The following WHRN variants were observed in gnomAD, a reference collection of about 807,000 sequenced individuals.
WHRN encodes CASK-interacting protein CIP98.
Under a neutral mutation model 68.3 loss-of-function variants are expected in WHRN, and 41 were observed. The observed-to-expected ratio is 0.60, with a 90% CI of 0.47 to 0.78. The LOEUF (loss-of-function observed/expected upper bound fraction) is 0.78, where lower values mean the gene tolerates loss of function less well. WHRN is among the 30% of genes least tolerant of loss of function. WHRN has a pLI of 0.00. For missense variants in WHRN, 1,243 were observed against 1,244.7 expected, an observed-to-expected ratio of 1.00 and a Z score of 0.02; for synonymous variants, 560 against 561.3, an observed-to-expected ratio of 1.00 and a Z score of 0.03.
intron 1 of WHRN, among the ~76,000 whole-genome samples, chr9:114,501,753 T>A (rs1450038127): frequency 6.6e-6 from 1 of 152,202 alleles, no homozygotes; most frequent in Non-Finnish European, 1.5e-5. Flanking sequence ...GAAATTTGAA[T>A]GAAGTCTGAA....
intron 3 of WHRN, among the ~76,000 whole-genome samples, chr9:114,428,983 T>A (rs1589119832): frequency 6.6e-6 from 1 of 151,430 alleles, no homozygotes; most frequent in Non-Finnish European, 1.5e-5. Flanking sequence ...CAGGCTAGAG[T>A]GTAGTGGCGC....
At chr9:114,408,605 T>C (rs542192454) in intron 7 of WHRN, among the ~76,000 whole-genome samples, 200 of 152,342 alleles carry the variant, frequency 1.3e-3, no homozygotes, top group African/African-American at 4.5e-3. Flanking sequence ...GGGCCGTCTA[T>C]GGGGGGCCCA....
chr9:114,503,036 T>A (rs948710862), intron 1 of WHRN: 2 of 765,546 alleles, frequency 2.6e-6, no homozygotes, highest in East Asian at 2.5e-4. Context: ...TCCAAAGGGG[T>A]TGATGGGCTG....
At chr9:114,429,763 CCTCT>C (rs925422344) in intron 3 of WHRN, among the ~76,000 whole-genome samples, 1 of 152,186 alleles carries the variant, frequency 6.6e-6, no homozygotes, top group Non-Finnish European at 1.5e-5. Context: ...TCCCTCCTCC[CCTCT>C]CTCTCCCAGC....
chr9:114,423,612 A>G (rs945808747), intron 6 of WHRN, 89 bp from the exon 7 acceptor site: 33 of 1,320,398 alleles, frequency 2.5e-5, no homozygotes, highest in Non-Finnish European at 3.1e-5. Context: ...ACTGGCATGC[A>G]AACTTGACCC....
At chr9:114,453,212 G>A (rs999701702) in intron 3 of WHRN, among the ~76,000 whole-genome samples, 2 of 152,198 alleles carry the variant, frequency 1.3e-5, no homozygotes, top group Non-Finnish European at 2.9e-5. Flanking sequence ...GGTGAAAAGG[G>A]AGCAGGTGTG....
chr9:114,456,723 G>A (rs1230734927), intron 3 of WHRN, among the ~76,000 whole-genome samples: 1 of 152,038 alleles, frequency 6.6e-6, no homozygotes, highest in African/African-American at 2.4e-5. Flanking sequence ...TCAGCTCCTT[G>A]GAGGCTGAGG....
intron 3 of WHRN, among the ~76,000 whole-genome samples, chr9:114,432,227 C>T (rs941512782): frequency 6.6e-6 from 1 of 152,076 alleles, no homozygotes; most frequent in Non-Finnish European, 1.5e-5. Flanking sequence ...AAGAGCACGG[C>T]GGGGCTTCAA....
rs904041871 is a variant in WHRN at position 114,504,941 on chromosome 9, A to G, written c.-140T>C. On this transcript the variant is annotated 5_prime_UTR_variant, in exon 1 of 12. Coordinates refer to ENST00000362057, the MANE Select transcript of WHRN (RefSeq NM_015404.4). ...GCCTGGGTTTGGGGAGCACGGGTAC[A>G]GTGGCTGGATCCTAGGGGGTCGCGG... 9.7e-6 allele frequency: 12 copies of G among 1,231,918 alleles called. No individual in the cohort carries two copies. In the South Asian group the frequency reaches 2.8e-4, roughly 29 times the overall value. The allele number at this position is 1,231,918 out of a possible 1,614,324, so 76.3% of individuals were successfully genotyped here.
chr9:114,404,315 C>T (rs1455069279), intron 9 of WHRN, among the ~76,000 whole-genome samples: 1 of 152,258 alleles, frequency 6.6e-6, no homozygotes, highest in African/African-American at 2.4e-5. Flanking sequence ...ACTTCCAGGA[C>T]ATCTGCCTGG....
At chr9:114,412,205 T>C (rs766410246) in intron 7 of WHRN, among the ~76,000 whole-genome samples, 1 of 152,260 alleles carries the variant, frequency 6.6e-6, no homozygotes, top group Non-Finnish European at 1.5e-5. Context: ...CCCCGAGCCA[T>C]GTTCCTTATG....
rs1844186529 is a variant in WHRN, at chr9:114,504,223, G to A, written c.579C>T (p.Asp193=). Residue 193 remains aspartate, a synonymous_variant, in exon 1 of 12, where the codon GAC becomes GAT. Transcript: ENST00000362057. ...RVGDQILRVN[D]KSLARVTHAE... ...CGTGGGTCACCCGGGCCAGGGATTTGTCGTTGACGCGCAGAATCTGGTCCC... is the reference window on the plus strand; with the variant it reads ...CGTGGGTCACCCGGGCCAGGGATTTATCGTTGACGCGCAGAATCTGGTCCC... 6.2e-7 allele frequency: 1 copy of A among 1,614,174 alleles called. No homozygotes were observed. Among genetic ancestry groups the A allele is most frequent in the South Asian group, 1.1e-5 (1 of 91,088 alleles).
At chr9:114,458,490 A>T (rs1839986289) in intron 3 of WHRN, among the ~76,000 whole-genome samples, 1 of 152,222 alleles carries the variant, frequency 6.6e-6, no homozygotes, top group East Asian at 1.9e-4. Flanking sequence ...AGAGAAAAAA[A>T]TGCGGGAAGG....
chr9:114,414,579 G>C (rs1835678245), intron 7 of WHRN, among the ~76,000 whole-genome samples: 1 of 152,186 alleles, frequency 6.6e-6, no homozygotes. Context: ...GTTCAAACAG[G>C]CTCTGACCTC....
rs144878400 is a variant in WHRN, at chr9:114,424,369, T to G, written c.1381A>C (p.Met461Leu). ...GGSVSVEALV[M>L]ALFKLLNTHA... Reference sequence around the variant, plus strand: ...GTGTTGAGCAGCTTGAACAGGGCCATGACGAGGGCCTCCACAGAGACGCTG... The same window carrying G: ...GTGTTGAGCAGCTTGAACAGGGCCAGGACGAGGGCCTCCACAGAGACGCTG... Residue 461 changes from methionine (M) to leucine (L), a missense_variant, in exon 6 of 12, where the codon ATG (methionine) becomes CTG (leucine). Coordinates refer to ENST00000362057, the MANE Select transcript of WHRN (RefSeq NM_015404.4). 3.9e-4 allele frequency: 628 copies of G among 1,612,202 alleles called. No individual in the cohort carries two copies. The highest frequency in any genetic ancestry group is 5.1e-4 in the Non-Finnish European group (596 of 1,179,998).
At chr9:114,435,421 G>A (rs1837768848) in intron 3 of WHRN, among the ~76,000 whole-genome samples, 1 of 152,212 alleles carries the variant, frequency 6.6e-6, no homozygotes, top group East Asian at 1.9e-4. Flanking sequence ...TAGGGAGGCT[G>A]GGTACATGCA....
intron 7 of WHRN, among the ~76,000 whole-genome samples, chr9:114,419,954 G>A (rs1836133374): frequency 6.6e-6 from 1 of 152,094 alleles, no homozygotes. Context: ...AGACATACGG[G>A]GGTGGCAGAA....
intron 3 of WHRN, among the ~76,000 whole-genome samples, chr9:114,453,438 A>G (rs927754818): frequency 1.3e-5 from 2 of 152,180 alleles, no homozygotes; most frequent in African/African-American, 2.4e-5. Context: ...CAAATATCCA[A>G]ACTACATCAG....
intron 2 of WHRN, among the ~76,000 whole-genome samples, chr9:114,469,955 T>C (rs138167174): frequency 1.2e-3 from 184 of 152,336 alleles, no homozygotes; most frequent in African/African-American, 4.1e-3. Context: ...TCCAATCAGT[T>C]GCTCTCTGCT....
Sources: allele counts gnomAD v4.1 joint callset (sites outside exome capture counted in the v4.1 genomes callset), GRCh38; gene constraint gnomAD v4.1.1; transcripts MANE v1.5; gene names NCBI Gene and HGNC (gene_info 2026-07-23, HGNC 2026-07-21).